L3MBTL4: variants seen among roughly 807,000 people sequenced by gnomAD.
The protein encoded by L3MBTL4 is L3MBTL histone methyl-lysine binding protein 4.
In L3MBTL4, 70 loss-of-function variants were observed where a neutral mutation model predicts 84.5. That is an observed-to-expected ratio of 0.83 (90% confidence interval 0.68 to 1.01). The LOEUF (loss-of-function observed/expected upper bound fraction) is 1.01, where lower values mean the gene tolerates loss of function less well. Ranked by LOEUF, L3MBTL4 falls within the 50% of genes least tolerant of loss-of-function variation. The probability of loss-of-function intolerance (pLI) is 0.00; values close to 1 mark genes in which losing one functional copy is unlikely to be tolerated. For missense variants in L3MBTL4, 715 were observed against 754.8 expected (o/e 0.95, Z 0.62); for synonymous variants, 274 against 259.8 (o/e 1.05, Z -0.52).
chr18:5,981,131 T>C (rs996715933), intron 16 of L3MBTL4, among the ~76,000 whole-genome samples: 9 of 152,192 alleles, frequency 5.9e-5, no homozygotes, highest in African/African-American at 2.2e-4. Context: ...CCTCTTGGTG[T>C]TCTCTGGGCT....
chr18:6,120,736 T>C (rs1190258433), intron 14 of L3MBTL4, among the ~76,000 whole-genome samples: 7 of 152,184 alleles, frequency 4.6e-5, no homozygotes, highest in South Asian at 4.1e-4. Context: ...GTAATTACTA[T>C]TGGTGTTTGG....
intron 4 of L3MBTL4, among the ~76,000 whole-genome samples, chr18:6,272,222 G>A (rs188410079): frequency 1.5e-4 from 23 of 152,306 alleles, no homozygotes; most frequent in African/African-American, 5.3e-4. Context: ...ACAGGTAGGG[G>A]GAGGACCCTG....
intron 16 of L3MBTL4, among the ~76,000 whole-genome samples, chr18:5,984,138 C>T (rs1201561585): frequency 6.6e-6 from 1 of 152,202 alleles, no homozygotes; most frequent in Non-Finnish European, 1.5e-5. Flanking sequence ...TCTTGAACTC[C>T]TGACCTCAGG....
intron 1 of L3MBTL4, chr18:6,413,896 A>G (rs2056076037): frequency 2.6e-5 from 4 of 152,316 alleles, no homozygotes; most frequent in African/African-American, 9.6e-5. Flanking sequence ...CATATGTAAG[A>G]TAAAGCACAC....
chr18:5,968,584 C>T (rs2052470738), intron 17 of L3MBTL4, among the ~76,000 whole-genome samples: 1 of 151,984 alleles, frequency 6.6e-6, no homozygotes, highest in Non-Finnish European at 1.5e-5. Context: ...ATAGTCCTAG[C>T]TACTCAGGAG....
At chr18:6,406,996 C>T (rs574062463) in intron 1 of L3MBTL4, among the ~76,000 whole-genome samples, 3 of 152,334 alleles carry the variant, frequency 2.0e-5, no homozygotes, top group Admixed American at 2.0e-4. Flanking sequence ...ACACTTTGCG[C>T]ATCACGGTGA....
chr18:6,182,746 T>C (rs1032047812), intron 12 of L3MBTL4, among the ~76,000 whole-genome samples: 1 of 152,212 alleles, frequency 6.6e-6, no homozygotes, highest in African/African-American at 2.4e-5. Flanking sequence ...CTAGTTTCAA[T>C]CTTCTGCATA....
intron 16 of L3MBTL4, among the ~76,000 whole-genome samples, chr18:6,028,412 AG>A (rs1196007079): frequency 2.0e-5 from 3 of 152,196 alleles, no homozygotes; most frequent in African/African-American, 7.2e-5. Context: ...TTTTGGTAAC[AG>A]TACCATGCTG....
At chr18:5,993,072 A>G (rs900332253) in intron 16 of L3MBTL4, among the ~76,000 whole-genome samples, 4 of 152,204 alleles carry the variant, frequency 2.6e-5, no homozygotes, top group Admixed American at 6.5e-5. Flanking sequence ...GCAGCCAGCT[A>G]TGTCTGAAAG....
At chr18:6,295,800 C>T (rs1230961182) in intron 4 of L3MBTL4, among the ~76,000 whole-genome samples, 1 of 152,074 alleles carries the variant, frequency 6.6e-6, no homozygotes. Context: ...TGGTTTGAAT[C>T]TGTGTCCCCA....
At chr18:6,015,154 A>G (rs1013164613) in intron 16 of L3MBTL4, among the ~76,000 whole-genome samples, 1 of 152,178 alleles carries the variant, frequency 6.6e-6, no homozygotes, top group African/African-American at 2.4e-5. Context: ...ACACAGGTAG[A>G]TTTCAAAGTA....
At chr18:6,340,420 C>A (rs758484714) in intron 1 of L3MBTL4, among the ~76,000 whole-genome samples, 1 of 152,212 alleles carries the variant, frequency 6.6e-6, no homozygotes, top group African/African-American at 2.4e-5. Context: ...GCCTCCTTGG[C>A]GCAGAATTTC....
intron 16 of L3MBTL4, among the ~76,000 whole-genome samples, chr18:6,019,345 C>T (rs79087278): frequency 0.01 from 1,582 of 152,110 alleles, 22 homozygotes; most frequent in African/African-American, 0.036. Flanking sequence ...AAGGACTGTC[C>T]CCTTGGTTCT....
At chr18:6,344,303 T>C (rs1030348259) in intron 1 of L3MBTL4, among the ~76,000 whole-genome samples, 5 of 152,106 alleles carry the variant, frequency 3.3e-5, no homozygotes, top group Admixed American at 1.3e-4. Flanking sequence ...CTAGAAGAAA[T>C]GGATAAGTTC....
intron 17 of L3MBTL4, among the ~76,000 whole-genome samples, chr18:5,962,240 G>A (rs907711326): frequency 1.3e-5 from 2 of 152,158 alleles, no homozygotes; most frequent in Non-Finnish European, 2.9e-5. Flanking sequence ...TGGGACTTCA[G>A]GAAGGTCATC....
intron 13 of L3MBTL4, among the ~76,000 whole-genome samples, chr18:6,160,990 T>G (rs1324868152): frequency 6.6e-6 from 1 of 152,216 alleles, no homozygotes; most frequent in Admixed American, 6.5e-5. Context: ...ATGATGTGAC[T>G]AAAAAGATTG....
intron 1 of L3MBTL4, among the ~76,000 whole-genome samples, chr18:6,341,390 A>T (rs2052601943): frequency 6.6e-6 from 1 of 152,102 alleles, no homozygotes; most frequent in Non-Finnish European, 1.5e-5. Context: ...TATATAAGGG[A>T]AACAATGCAT....
chr18:6,115,791 C>T (rs895361194), intron 14 of L3MBTL4, among the ~76,000 whole-genome samples: 2 of 152,168 alleles, frequency 1.3e-5, no homozygotes, highest in Non-Finnish European at 2.9e-5. Context: ...GCCACGAAGT[C>T]GTCTTCAGAC....
intron 14 of L3MBTL4, among the ~76,000 whole-genome samples, chr18:6,134,175 T>C (rs1432802820): frequency 6.6e-6 from 1 of 152,118 alleles, no homozygotes; most frequent in Non-Finnish European, 1.5e-5. Flanking sequence ...CCATCAGATA[T>C]CGTGAGACTT....
Sources: allele counts gnomAD v4.1 joint callset (sites outside exome capture counted in the v4.1 genomes callset), GRCh38; gene constraint gnomAD v4.1.1; transcripts MANE v1.5; gene names NCBI Gene and HGNC (gene_info 2026-07-23, HGNC 2026-07-21).